Variants in MRE11 observed in about 807,000 individuals in gnomAD.
The protein encoded by MRE11 is MRE11 double strand break repair nuclease, also known as double-strand break repair protein MRE11.
MRE11 carries 62 observed loss-of-function variants against 91.7 expected under a neutral mutation model. The observed-to-expected ratio is 0.68, with a 90% confidence interval of 0.55 to 0.84. The LOEUF is 0.84. MRE11 is among the 40% of genes least tolerant of loss of function. The pLI is 0.00. For missense variants in MRE11, 796 were observed against 852.9 expected (o/e 0.93, Z 0.83); for synonymous variants, 273 against 271.4 (o/e 1.01, Z -0.06).
At chr11:94,491,554 T>C (rs1448700966) in intron 2 of MRE11, among the ~76,000 whole-genome samples, 1 of 152,202 alleles carries the variant, frequency 6.6e-6, no homozygotes, top group Admixed American at 6.5e-5. Context: ...ATTAATACTC[T>C]TACACTAAAT....
chr11:94,432,642 C>T (rs572031158), intron 18 of MRE11, among the ~76,000 whole-genome samples: 11 of 152,260 alleles, frequency 7.2e-5, no homozygotes, highest in Admixed American at 6.5e-4. Context: ...CCCATCTCTA[C>T]TAAAAATACA....
At chr11:94,445,402 T>C (rs1380202111) in intron 16 of MRE11, among the ~76,000 whole-genome samples, 1 of 152,226 alleles carries the variant, frequency 6.6e-6, no homozygotes, top group Non-Finnish European at 1.5e-5. Context: ...CTCCAGTTCC[T>C]GGGTTCAAGT....
chr11:94,420,291 A>G (rs1396915175), intron 19 of MRE11, 110 bp from the exon 20 acceptor site: 4 of 800,882 alleles, frequency 5.0e-6, no homozygotes, highest in African/African-American at 3.4e-5. Flanking sequence ...CACATGGGAT[A>G]GACTTTATTT....
Position 94,456,217 on chromosome 11 carries a change from G to A in MRE11, c.1563+59C>T, listed in dbSNP as rs13447684. The A allele has an allele frequency of 4.6e-5, 68 of 1,493,752 alleles. 1 individual carries two copies. In the East Asian group the frequency reaches 1.4e-3, roughly 31 times the overall value. The allele number at this position is 1,493,752 out of a possible 1,614,324, so 92.5% of individuals were successfully genotyped here. ...ACTGACTATTCTAACTAAACCTACT[G>A]GTTATTCTAGTTTAAGAAAGTGATA... On this transcript the variant is annotated intron_variant, in intron 14 of 19. Transcript: ENST00000323929.
At chr11:94,464,001 A>G (rs1001882492) in intron 11 of MRE11, 112 bp downstream of exon 11, 3 of 1,190,204 alleles carry the variant, frequency 2.5e-6, no homozygotes, top group Non-Finnish European at 3.6e-6. Flanking sequence ...TTTGTTTAAG[A>G]CATTACAATC....
intron 13 of MRE11, among the ~76,000 whole-genome samples, chr11:94,456,676 C>T (rs1156737768): frequency 6.6e-6 from 1 of 152,160 alleles, no homozygotes; most frequent in African/African-American, 2.4e-5. Flanking sequence ...ATCTCCTTGA[C>T]AAGGCTTGAA....
chr11:94,470,038 C>A (rs980567941), intron 9 of MRE11, among the ~76,000 whole-genome samples: 1 of 152,052 alleles, frequency 6.6e-6, no homozygotes, highest in Non-Finnish European at 1.5e-5. Context: ...ACATTTTTCA[C>A]ATTTCATTTG....
chr11:94,507,301 G>C, the MRE11 span, among the ~76,000 whole-genome samples: 1 of 151,946 alleles, frequency 6.6e-6, no homozygotes, highest in Non-Finnish European at 1.5e-5. Flanking sequence ...CATGTAGCAG[G>C]GTTTTGTTCT....
chr11:94,491,034 A>T (rs1159965468), intron 2 of MRE11, 69 bp from the exon 3 acceptor site: 7 of 956,166 alleles, frequency 7.3e-6, no homozygotes, highest in Non-Finnish European at 1.6e-6. Flanking sequence ...ACAAATTGAG[A>T]CAAACTTATA....
At chr11:94,504,657 C>T in the MRE11 span, among the ~76,000 whole-genome samples, 2 of 152,112 alleles carry the variant, frequency 1.3e-5, no homozygotes, top group African/African-American at 2.4e-5. Flanking sequence ...CGAAGAAAAA[C>T]GATAGCATTC....
chr11:94,494,465 G>T (rs1947380361), upstream of MRE11, among the ~76,000 whole-genome samples: 1 of 152,204 alleles, frequency 6.6e-6, no homozygotes, highest in Non-Finnish European at 1.5e-5. Context: ...AGGGCAAGTT[G>T]TTTTAATCTA....
intron 16 of MRE11, among the ~76,000 whole-genome samples, chr11:94,444,095 G>A (rs1767100648): frequency 6.6e-6 from 1 of 151,720 alleles, no homozygotes; most frequent in Non-Finnish European, 1.5e-5. Flanking sequence ...TTCAGTAGGG[G>A]ACAGGGTTTC....
chr11:94,447,088 T>G, intron 15 of MRE11, 131 bp downstream of exon 15: 1 of 984,986 alleles, frequency 1.0e-6, no homozygotes, highest in Non-Finnish European at 1.5e-6. Flanking sequence ...CTTTATATAT[T>G]ATAAAAATAG....
intron 9 of MRE11, among the ~76,000 whole-genome samples, chr11:94,469,765 A>G (rs1285163004): frequency 6.6e-6 from 1 of 152,190 alleles, no homozygotes; most frequent in African/African-American, 2.4e-5. Context: ...TAAATCAGTA[A>G]GTATCACTGG....
At chr11:94,445,635 CT>C (rs1317725545) in intron 16 of MRE11, 174 bp downstream of exon 16, 5 of 602,190 alleles carry the variant, frequency 8.3e-6, no homozygotes, top group Non-Finnish European at 1.5e-5. Flanking sequence ...AAAGCTTACC[CT>C]CTTCAGTAAC....
At chr11:94,489,524 A>G (rs13447595) in intron 3 of MRE11, among the ~76,000 whole-genome samples, 23,629 of 152,174 alleles carry the variant, frequency 0.16, 2,135 homozygotes, top group East Asian at 0.23. Flanking sequence ...GATGTAGCAG[A>G]AAAGAATAGA....
intron 7 of MRE11, among the ~76,000 whole-genome samples, chr11:94,472,084 T>C (rs1267580248): frequency 1.3e-5 from 2 of 152,048 alleles, no homozygotes; most frequent in African/African-American, 4.8e-5. Flanking sequence ...CTATCAATAG[T>C]AGAAATCTAT....
intron 19 of MRE11, among the ~76,000 whole-genome samples, chr11:94,428,558 A>G (rs1263912755): frequency 6.6e-6 from 1 of 152,190 alleles, no homozygotes; most frequent in Non-Finnish European, 1.5e-5. Context: ...TAAACTAAAG[A>G]GCTTCTGCAC....
At chr11:94,429,558 A>C (rs1461983184) in intron 19 of MRE11, among the ~76,000 whole-genome samples, 1 of 152,208 alleles carries the variant, frequency 6.6e-6, no homozygotes, top group Middle Eastern at 3.2e-3. Context: ...AAGCAAATTA[A>C]CAGGAACAGA....
Sources: allele counts gnomAD v4.1 joint callset (sites outside exome capture counted in the v4.1 genomes callset), GRCh38; gene constraint gnomAD v4.1.1; transcripts MANE v1.5; gene names NCBI Gene and HGNC (gene_info 2026-07-23, HGNC 2026-07-21).